Variants in DEPDC5 observed in about 807,000 individuals in gnomAD.
DEPDC5 encodes the protein GATOR1 complex protein DEPDC5.
In DEPDC5, 73 loss-of-function variants were observed where a neutral mutation model predicts 217.3. The ratio of observed to expected loss-of-function variants is 0.34; its 90% confidence interval spans 0.28 to 0.41. The LOEUF (loss-of-function observed/expected upper bound fraction) is 0.41. Ranked by LOEUF, DEPDC5 falls within the 10% of genes least tolerant of loss-of-function variation. DEPDC5 has a pLI of 1.00. For missense variants in DEPDC5, 1,675 were observed against 2,070.1 expected (o/e 0.81, Z 3.70); for synonymous variants, 733 against 756.7 (o/e 0.97, Z 0.51).
At chr22:31,861,917 G>T (rs968239935) in intron 33 of DEPDC5, among the ~76,000 whole-genome samples, 1 of 152,180 alleles carries the variant, frequency 6.6e-6, no homozygotes, top group Admixed American at 6.5e-5. Context: ...CTAGCTTCTG[G>T]ATTTCACTTA....
chr22:31,810,488 T>G (rs2088152955), intron 19 of DEPDC5, 33 bp from the exon 20 acceptor site: 1 of 1,613,158 alleles, frequency 6.2e-7, no homozygotes, highest in Non-Finnish European at 8.5e-7. Flanking sequence ...TGAAATGTAT[T>G]TGATGACAAT....
chr22:31,838,624 A>G (rs758526269), intron 26 of DEPDC5, 61 bp from the exon 27 acceptor site: 10 of 1,581,592 alleles, frequency 6.3e-6, no homozygotes, highest in Admixed American at 3.4e-5. Flanking sequence ...GAGACTGTGC[A>G]CTCTTAAGTG....
chr22:31,897,951 C>T (rs1444631316), intron 40 of DEPDC5, among the ~76,000 whole-genome samples: 1 of 152,176 alleles, frequency 6.6e-6, no homozygotes, highest in Non-Finnish European at 1.5e-5. Flanking sequence ...AAATCACAGG[C>T]AGCACTGGTG....
At chr22:31,759,318 G>C (rs1428525339) in intron 3 of DEPDC5, among the ~76,000 whole-genome samples, 1 of 150,888 alleles carries the variant, frequency 6.6e-6, no homozygotes, top group African/African-American at 2.4e-5. Flanking sequence ...GCCTCCCAAA[G>C]TGCTGAGATT....
intron 32 of DEPDC5, 32 bp downstream of exon 32, chr22:31,857,585 C>T (rs2092352188): frequency 1.3e-6 from 2 of 1,560,330 alleles, no homozygotes; most frequent in Admixed American, 1.8e-5. Flanking sequence ...GGGAGCTGTT[C>T]TGTGCTCTCA....
intron 1 of DEPDC5, 81 bp from the exon 2 acceptor site, chr22:31,754,781 A>G (rs1476876026): frequency 1.1e-6 from 1 of 885,780 alleles, no homozygotes; most frequent in Non-Finnish European, 1.8e-6. Context: ...GAACACCAGT[A>G]TCTTCACTGG....
chr22:31,859,321 G>A (rs2092428768), intron 32 of DEPDC5, among the ~76,000 whole-genome samples: 1 of 150,702 alleles, frequency 6.6e-6, no homozygotes, highest in Non-Finnish European at 1.5e-5. Flanking sequence ...TTGATCTCCT[G>A]ACCTCGTGAT....
intron 24 of DEPDC5, chr22:31,823,043 A>G (rs977883809): frequency 2.3e-6 from 1 of 432,304 alleles, no homozygotes; most frequent in Non-Finnish European, 4.4e-6. Context: ...GATTGAGGGC[A>G]GCTTAGGAGC....
intron 12 of DEPDC5, among the ~76,000 whole-genome samples, chr22:31,793,767 C>T (rs1321295765): frequency 6.6e-6 from 1 of 151,966 alleles, no homozygotes; most frequent in African/African-American, 2.4e-5. Context: ...AGATGGGGTT[C>T]GCCATGTTGG....
chr22:31,843,064 C>A, intron 27 of DEPDC5, 31 bp from the exon 28 acceptor site: 1 of 1,543,302 alleles, frequency 6.5e-7, no homozygotes, highest in Non-Finnish European at 8.9e-7. Context: ...GAGCTTCAAA[C>A]AGATGGAGGA....
chr22:31,802,779 G>A lies in DEPDC5; in HGVS notation c.1022G>A (p.Gly341Asp). The A allele has an allele frequency of 6.2e-7, 1 of 1,606,056 alleles. No homozygotes were observed. Among genetic ancestry groups the A allele is most frequent in the Non-Finnish European group, 8.5e-7 (1 of 1,176,602 alleles). ...TCAGTGGTGATCACGCCCGGGGTGG[G>A]TGTCTTTGAAGTGGACCGCCTACTC... is the stretch of plus-strand genomic sequence containing the variant. ...QMSVVITPGV[G>D]VFEVDRLLMI... The change falls in exon 15 of 43, where the codon GGT becomes GAT. Residue 341 changes from glycine to aspartate, a missense_variant. Physicochemically the swap from Gly to Asp is moderately conservative, Grantham distance 94 (BLOSUM62 -1). Coordinates refer to ENST00000651528, the MANE Select transcript of DEPDC5 (RefSeq NM_001242896.3).
intron 20 of DEPDC5, 164 bp downstream of exon 20, chr22:31,810,805 C>A (rs1398653418): frequency 8.7e-7 from 1 of 1,146,020 alleles, no homozygotes; most frequent in Non-Finnish European, 1.2e-6. Flanking sequence ...GATGGAGTTT[C>A]GCTCTTGTTG....
Position 31,797,801 on chromosome 22 carries a change from C to T in DEPDC5, c.871+98C>T, listed in dbSNP as rs966871599. ...ATGTGTGCTTGTTTCTCTCCCATTGCCGTGTGTAGTTTCTGCTTTTGGTCA... is the reference window on the plus strand; with the variant it reads ...ATGTGTGCTTGTTTCTCTCCCATTGTCGTGTGTAGTTTCTGCTTTTGGTCA... On this transcript the variant is annotated intron_variant, in intron 13 of 42. Coordinates refer to ENST00000651528, the MANE Select transcript of DEPDC5 (RefSeq NM_001242896.3). The T allele has an allele frequency of 6.6e-6, 6 of 911,620 alleles. No homozygotes were observed. In the Admixed American group the frequency reaches 1.0e-4, roughly 16 times the overall value. 56.5% of individuals were successfully genotyped at this position (911,620 alleles called of 1,614,324 possible).
At chr22:31,790,394 T>C (rs1370433535) in intron 10 of DEPDC5, among the ~76,000 whole-genome samples, 2 of 152,200 alleles carry the variant, frequency 1.3e-5, no homozygotes, top group Non-Finnish European at 2.9e-5. Context: ...TGTTCATCTG[T>C]AAACACCCTA....
chr22:31,781,518 C>T (rs907459272), intron 8 of DEPDC5, among the ~76,000 whole-genome samples: 8 of 152,004 alleles, frequency 5.3e-5, no homozygotes, highest in East Asian at 1.9e-4. Context: ...CTACAACCTC[C>T]GCCCCCGGGG....
chr22:31,822,126 A>G (rs923324140), intron 23 of DEPDC5, among the ~76,000 whole-genome samples: 4 of 152,212 alleles, frequency 2.6e-5, no homozygotes, highest in African/African-American at 4.8e-5. Context: ...TTTTGAACCA[A>G]TGCTCTGAAT....
chr22:31,754,980 G>A lies in DEPDC5; in HGVS notation c.58+1G>A. 1 of 1,614,200 alleles carries A rather than the reference G, an allele frequency of 6.2e-7. No individual in the cohort carries two copies. The highest frequency in any genetic ancestry group is 8.5e-7 in the Non-Finnish European group (1 of 1,180,040). ...CACAAGAAGGGCTTTGGGGGCAGTGGTCAGTATCGATTGGTCTTTAGAGGT... is the reference window on the plus strand; with the variant it reads ...CACAAGAAGGGCTTTGGGGGCAGTGATCAGTATCGATTGGTCTTTAGAGGT... On this transcript the variant is annotated splice_donor_variant, in intron 2 of 42. Coordinates refer to ENST00000651528, the MANE Select transcript of DEPDC5 (RefSeq NM_001242896.3). LOFTEE classifies it high-confidence loss of function.
intron 7 of DEPDC5, among the ~76,000 whole-genome samples, chr22:31,776,142 C>T (rs913017935): frequency 3.3e-5 from 5 of 150,976 alleles, no homozygotes; most frequent in Non-Finnish European, 2.9e-5. Flanking sequence ...GCAATAGTCT[C>T]ACTCTGTTGC....
intron 24 of DEPDC5, among the ~76,000 whole-genome samples, chr22:31,827,724 C>G (rs2090265658): frequency 1.3e-5 from 2 of 152,224 alleles, no homozygotes; most frequent in Admixed American, 6.5e-5. Flanking sequence ...TCATTTCACT[C>G]TGGAGGTTCC....
Sources: gnomAD v4.1 joint callset for allele counts (sites outside exome capture counted in the v4.1 genomes callset) on GRCh38, gnomAD v4.1.1 for gene constraint, MANE v1.5 for transcripts, NCBI Gene and HGNC (gene_info 2026-07-23, HGNC 2026-07-21) for gene names.